The following TMC6 variants were observed in gnomAD, a reference collection of about 807,000 sequenced individuals.
The protein encoded by TMC6 is transmembrane channel-like protein 6.
A neutral mutation model predicts 95.4 loss-of-function variants in TMC6; 71 were observed. That is an observed-to-expected ratio of 0.74 (90% CI 0.61 to 0.91). The LOEUF is 0.91. TMC6 is among the 40% of genes least tolerant of loss of function. TMC6 has a pLI of 0.00. For missense variants in TMC6, 1,074 were observed against 1,079.1 expected (o/e 1.00, Z 0.07); for synonymous variants, 514 against 483.1 (o/e 1.06, Z -0.84).
At chr17:78,113,739 C>T (rs1281813205) in intron 18 of TMC6, 115 bp from the exon 19 acceptor site, 2 of 1,069,400 alleles carry the variant, frequency 1.9e-6, no homozygotes, top group Non-Finnish European at 2.9e-6. Context: ...ACATCGCAAG[C>T]AGCAAAAACA....
Position 78,124,653 on chromosome 17 carries a change from G to A in TMC6, c.762C>T (p.Thr254=), listed in dbSNP as rs1827290960. The A allele has an allele frequency of 6.2e-7, 1 of 1,611,580 alleles. No individual in the cohort carries two copies. Among genetic ancestry groups the A allele is most frequent in the Admixed American group, 1.7e-5 (1 of 59,794 alleles). Residue 254 remains threonine (T), a synonymous_variant, in exon 8 of 20, where the codon ACC becomes ACT. Coordinates refer to ENST00000590602, the MANE Select transcript of TMC6 (RefSeq NM_001127198.5). ...SVLSYFLFLK[T]LLAFNALLLL... ...GCAGGAGGGCATTGAAAGCCAGCAGGGTCTTGAGAAAGAGGAAGTAGGAGA... is the reference window on the plus strand; with the variant it reads ...GCAGGAGGGCATTGAAAGCCAGCAGAGTCTTGAGAAAGAGGAAGTAGGAGA...
rs947308004 is a variant in TMC6 at position 78,126,102 on chromosome 17, G to A, written c.271+175C>T. The A allele has an allele frequency of 3.9e-5, 44 of 1,127,374 alleles. No homozygotes were observed. In the East Asian group the frequency reaches 9.8e-4, roughly 25 times the overall value. The allele number at this position is 1,127,374 out of a possible 1,614,324, so 69.8% of individuals were successfully genotyped here. A position where few individuals can be genotyped will look rare whatever the true frequency, so the allele number is the denominator to read the frequency against. Reference sequence around the variant, plus strand: ...AGCCCAGCGAGGGCCACATGGGGCTGTGCTGGGCCCCCAGGCAGCAGATGG... The same window carrying A: ...AGCCCAGCGAGGGCCACATGGGGCTATGCTGGGCCCCCAGGCAGCAGATGG... On this transcript the variant is annotated intron_variant, in intron 4 of 19. Coordinates refer to ENST00000590602, the MANE Select transcript of TMC6 (RefSeq NM_001127198.5).
chr17:78,120,100 CTG>C (rs1217929260), intron 13 of TMC6: 1 of 333,942 alleles, frequency 3.0e-6, no homozygotes, highest in Non-Finnish European at 5.8e-6. Context: ...CTGTTCCCTG[CTG>C]TGTGTTTTTC....
chr17:78,131,535 C>T, upstream of TMC6: 1 of 1,534,242 alleles, frequency 6.5e-7, no homozygotes, highest in Non-Finnish European at 8.7e-7. Flanking sequence ...ACCGGGGACT[C>T]ATATCCCCCC....
In TMC6 at chr17:78,122,067, GC is replaced by G. The variant is rs1269213426; in HGVS notation, c.1228-357del. ...TGTGGGTGGCCCCCAGTGACCAGAA[GC>G]CCCCCTACACGGAATGGCTCATGAC... On this transcript the variant is annotated intron_variant, in intron 10 of 19. Transcript: ENST00000590602. The surrounding 1 kb of genome is among the most constrained non-coding windows in gnomAD (Gnocchi z 4.9). Among the ~76,000 whole-genome samples the G allele has an allele frequency of 3.3e-5, 5 of 152,190 alleles. No individual in the cohort carries two copies. Among genetic ancestry groups the G allele is most frequent in the South Asian group, 2.1e-4 (1 of 4,812 alleles).
Position 78,122,541 on chromosome 17 carries a change from G to A in TMC6, c.1227+64C>T. The A allele has an allele frequency of 3.1e-6, 5 of 1,596,396 alleles. No homozygotes were observed. Among genetic ancestry groups the A allele is most frequent in the Non-Finnish European group, 3.4e-6 (4 of 1,178,134 alleles). The stretch of plus-strand genomic sequence containing the variant: ...CATGGTTCTGGTCACATGGTCCTAA[G>A]TGGACCCAGGGCCAGGCCTGCAGGG... On this transcript the variant is annotated intron_variant, in intron 10 of 19. Transcript: ENST00000590602. The surrounding 1 kb of genome is among the most constrained non-coding windows in gnomAD (Gnocchi z 4.9).
chr17:78,124,592 C>T lies in TMC6; in HGVS notation c.823G>A (p.Val275Ile). ...LLVAFIMGPQ[V>I]AFPPALPGPA... ...CCCGGCAGGGCGGGTGGGAAGGCGA[C>T]CTGAGGGCCCATGATGAAGGCCACC... The change falls in exon 8 of 20, where the codon GTC becomes ATC. Residue 275 changes from valine to isoleucine, a missense_variant. Val to Ile is a conservative substitution (Grantham distance 29, BLOSUM62 3). Transcript: ENST00000590602. 6.2e-7 allele frequency: 1 copy of T among 1,612,298 alleles called. No individual in the cohort carries two copies. Among genetic ancestry groups the T allele is most frequent in the Non-Finnish European group, 8.5e-7 (1 of 1,179,792 alleles).
Position 78,112,992 on chromosome 17 carries a change from C to T in TMC6, c.*156G>A, listed in dbSNP as rs2253277. On this transcript the variant is annotated 3_prime_UTR_variant, in exon 20 of 20. Coordinates refer to ENST00000590602, the MANE Select transcript of TMC6 (RefSeq NM_001127198.5). The stretch of plus-strand genomic sequence containing the variant: ...CAGAGTTCATTGGGGATGCCCAAGC[C>T]GGATTCACCCACCCTTCCAGCTCCA... The T allele has an allele frequency of 0.073, 58,547 of 797,506 alleles. 2,577 individuals are homozygous for T. The highest frequency in any genetic ancestry group is 0.14 in the East Asian group (5,359 of 37,468). The allele number at this position is 797,506 out of a possible 1,614,324, so 49.4% of individuals were successfully genotyped here. A position where few individuals can be genotyped will look rare whatever the true frequency, so the allele number is the denominator to read the frequency against.
rs578004831 is a variant in TMC6, at chr17:78,115,198, C to A, written c.2278-1574G>T. Among the ~76,000 whole-genome samples the A allele has an allele frequency of 2.4e-3, 372 of 152,356 alleles. 2 individuals are homozygous for A. Among genetic ancestry groups the A allele is most frequent in the Non-Finnish European group, 4.3e-3 (293 of 68,028 alleles). Reference sequence around the variant, plus strand: ...AGTGCTTGGGACGAGCTGGGACGAGCTGCCTGGAGCCCTGGATCCTGGCAC... The same window carrying A: ...AGTGCTTGGGACGAGCTGGGACGAGATGCCTGGAGCCCTGGATCCTGGCAC... On this transcript the variant is annotated intron_variant, in intron 18 of 19. Transcript: ENST00000590602.
intron 9 of TMC6, among the ~76,000 whole-genome samples, chr17:78,123,639 GAACT>G: frequency 7.2e-6 from 1 of 139,300 alleles, no homozygotes; most frequent in South Asian, 2.6e-4. Flanking sequence ...ATGGGTGGGT[GAACT>G]GATTGGGTGA....
chr17:78,119,527 AC>A, intron 13 of TMC6, 135 bp from the exon 14 acceptor site: 1 of 899,668 alleles, frequency 1.1e-6, no homozygotes, highest in South Asian at 1.4e-5. Context: ...CCAAGAAGAG[AC>A]AGCCACCAGC....
rs545611492 is a variant in TMC6, at chr17:78,119,127, G to T, written c.1812-81C>A. The T allele has an allele frequency of 4.9e-4, 742 of 1,513,292 alleles. 7 individuals are homozygous for T. The African/African-American group carries it at 8.8e-3, about 18-fold the overall frequency. The allele number at this position is 1,513,292 out of a possible 1,614,324, so 93.7% of individuals were successfully genotyped here. Reference sequence around the variant, plus strand: ...CAGGCTGGTTCCAGACCACGGGCAGGGCATGTGACAGTGGCCAAAACTGAG... The same window carrying T: ...CAGGCTGGTTCCAGACCACGGGCAGTGCATGTGACAGTGGCCAAAACTGAG... On this transcript the variant is annotated intron_variant, in intron 14 of 19. Transcript: ENST00000590602.
chr17:78,126,513 C>T lies in TMC6; in HGVS notation c.181+11G>A, dbSNP rs2074726484. 1 of 1,613,000 alleles carries T rather than the reference C, an allele frequency of 6.2e-7. No homozygotes were observed. The highest frequency in any genetic ancestry group is 8.5e-7 in the Non-Finnish European group (1 of 1,180,000). On this transcript the variant is annotated intron_variant, in intron 3 of 19. Coordinates refer to ENST00000590602, the MANE Select transcript of TMC6 (RefSeq NM_001127198.5). ...TGGTCCACACCACCCAGCATCCAGGCCTGAGCTCACCTGTCACCTCCCGCT... is the reference window on the plus strand; with the variant it reads ...TGGTCCACACCACCCAGCATCCAGGTCTGAGCTCACCTGTCACCTCCCGCT...
At chr17:78,117,684 C>G in intron 16 of TMC6, 40 bp from the exon 17 acceptor site, 1 of 1,555,288 alleles carries the variant, frequency 6.4e-7, no homozygotes. Flanking sequence ...CCCCGAGCAA[C>G]AGTTCACCCG....
Position 78,125,213 on chromosome 17 carries a change from G to T in TMC6, c.481C>A (p.Arg161=). 1.3e-6 allele frequency: 2 copies of T among 1,590,652 alleles called. No homozygotes were observed. The highest frequency in any genetic ancestry group is 4.5e-5 in the East Asian group (2 of 43,970). ...KELQSLAVAQ[R]DHMLRGMPLS... ...GGCATCCCGCGAAGCATGTGGTCCC[G>T]CTGTGCCACTGCCAGGCTCTGGAGC... The change falls in exon 6 of 20, where the codon CGG becomes AGG. Residue 161 remains arginine (R), a synonymous_variant. Coordinates refer to ENST00000590602, the MANE Select transcript of TMC6 (RefSeq NM_001127198.5).
upstream of TMC6, among the ~76,000 whole-genome samples, chr17:78,130,467 C>G (rs1346291317): frequency 1.3e-5 from 2 of 152,234 alleles, no homozygotes; most frequent in East Asian, 3.9e-4. Flanking sequence ...GCCTCAGCTG[C>G]AGGCTGGACA....
chr17:78,116,300 A>G (rs1295447125), intron 18 of TMC6, among the ~76,000 whole-genome samples: 4 of 138,646 alleles, frequency 2.9e-5, no homozygotes, highest in Admixed American at 7.3e-5. Context: ...TTTTTATGAG[A>G]CAGAGTTTCA....
Position 78,110,482 on chromosome 17 carries a change from C to G in TMC6, c.*2666G>C, listed in dbSNP as rs2073803657. The G allele has an allele frequency of 6.6e-6, 1 of 152,194 alleles. No homozygotes were observed. Among genetic ancestry groups the G allele is most frequent in the Non-Finnish European group, 1.5e-5 (1 of 68,040 alleles). 9.4% of individuals were successfully genotyped at this position (152,194 alleles called of 1,614,324 possible). A position where few individuals can be genotyped will look rare whatever the true frequency, so the allele number is the denominator to read the frequency against. ...GCAAGACTCTGAAAAAGCAAATAAA[C>G]CGAAACTCTTGGGCTCAAGCAATCC... On this transcript the variant is annotated 3_prime_UTR_variant, in exon 20 of 20. Coordinates refer to ENST00000590602, the MANE Select transcript of TMC6 (RefSeq NM_001127198.5).
Position 78,121,687 on chromosome 17 carries a change from G to A in TMC6, c.1252C>T (p.Arg418Trp), listed in dbSNP as rs567045355. Residue 418 changes from arginine to tryptophan, a missense_variant, in exon 11 of 20, where the codon CGG becomes TGG. By Grantham distance (101) the Arg-to-Trp change is moderately radical. Coordinates refer to ENST00000590602, the MANE Select transcript of TMC6 (RefSeq NM_001127198.5). This position sits in a 1 kb window ranked among gnomAD's most constrained non-coding sequence, Gnocchi z 5.6. ...LKELLAEWQL[R>W]HSPRSVCGRL... Reference sequence around the variant, plus strand: ...CCGCACACGCTCCTGGGGCTGTGCCGCAGCTGCCACTCGGCCAGCAGCTCC... The same window carrying A: ...CCGCACACGCTCCTGGGGCTGTGCCACAGCTGCCACTCGGCCAGCAGCTCC... The A allele has an allele frequency of 1.1e-5, 18 of 1,587,848 alleles. No homozygotes were observed. In the East Asian group the frequency reaches 1.4e-4, roughly 12 times the overall value.
Sources: allele counts gnomAD v4.1 joint callset (sites outside exome capture counted in the v4.1 genomes callset), GRCh38; gene constraint gnomAD v4.1.1; non-coding constraint Gnocchi (gnomAD v3.1); transcripts MANE v1.5; gene names NCBI Gene and HGNC (gene_info 2026-07-23, HGNC 2026-07-21).